The following C7 variants were observed in gnomAD, a reference collection of about 807,000 sequenced individuals.
C7 encodes complement component C7.
A neutral mutation model predicts 104.8 loss-of-function variants in C7; 83 were observed. The ratio of observed to expected loss-of-function variants is 0.79; its 90% confidence interval spans 0.66 to 0.95. The LOEUF (loss-of-function observed/expected upper bound fraction) is 0.95, where lower values mean the gene tolerates loss of function less well. C7 is among the 40% of genes least tolerant of loss of function. C7 has a pLI of 0.00. For synonymous variants in C7, 415 were observed against 360.6 expected (o/e 1.15, Z -1.71); for missense variants, 1,070 against 1,011.2 (o/e 1.06, Z -0.79).
At chr5:40,945,906 A>G (rs183502652) in intron 7 of C7, among the ~76,000 whole-genome samples, 2,519 of 137,566 alleles carry the variant, frequency 0.018, 84 homozygotes, top group East Asian at 0.1. Flanking sequence ...ATATATATAT[A>G]TATGTATATT....
At chr5:40,933,793 T>C (rs1249230968) in intron 3 of C7, among the ~76,000 whole-genome samples, 1 of 152,180 alleles carries the variant, frequency 6.6e-6, no homozygotes, top group Non-Finnish European at 1.5e-5. Flanking sequence ...CAGTACCTTA[T>C]CCTCTCTCCA....
At chr5:40,955,963 A>C (rs1561251706) in intron 10 of C7, among the ~76,000 whole-genome samples, 1 of 152,306 alleles carries the variant, frequency 6.6e-6, no homozygotes, top group East Asian at 1.9e-4. Flanking sequence ...GAAGTCATAC[A>C]AAGTAGGATA....
intron 6 of C7, among the ~76,000 whole-genome samples, chr5:40,944,507 T>A (rs1740005692): frequency 6.6e-6 from 1 of 152,306 alleles, no homozygotes; most frequent in Non-Finnish European, 1.5e-5. Context: ...TTTCCAACAT[T>A]GACATTACTT....
At chr5:40,978,160 A>G (rs5867530) in intron 16 of C7, among the ~76,000 whole-genome samples, 29,013 of 140,234 alleles carry the variant, frequency 0.21, 3,013 homozygotes, top group Middle Eastern at 0.37. Context: ...AAAAAAAAAA[A>G]GAACCAAAAC....
At chr5:40,965,646 ATAT>A (rs1425646294) in intron 14 of C7, among the ~76,000 whole-genome samples, 13 of 99,100 alleles carry the variant, frequency 1.3e-4, no homozygotes, top group African/African-American at 5.1e-4. Flanking sequence ...ATATATATAT[ATAT>A]TTTTTTTTTG....
intron 9 of C7, among the ~76,000 whole-genome samples, chr5:40,951,790 A>G (rs1740176626): frequency 6.6e-6 from 1 of 152,184 alleles, no homozygotes; most frequent in Non-Finnish European, 1.5e-5. Context: ...TTCTCAGTGA[A>G]GAAGCAGGGA....
chr5:40,959,367 T>G, intron 11 of C7, 82 bp from the exon 12 acceptor site: 1 of 1,242,784 alleles, frequency 8.0e-7, no homozygotes, highest in Non-Finnish European at 1.1e-6. Flanking sequence ...TTCCTCCAAT[T>G]AACTTGTTAG....
intron 15 of C7, among the ~76,000 whole-genome samples, chr5:40,975,875 G>A (rs1168998541): frequency 6.6e-6 from 1 of 152,122 alleles, no homozygotes; most frequent in African/African-American, 2.4e-5. Context: ...TATAGATATA[G>A]TAAATGACTA....
At chr5:40,947,875 G>T (rs1035310872) in intron 8 of C7, 30 bp downstream of exon 8, 1 of 1,596,682 alleles carries the variant, frequency 6.3e-7, no homozygotes, top group African/African-American at 1.3e-5. Flanking sequence ...GTTGTCTAAA[G>T]GCATTTCTGG....
intron 9 of C7, among the ~76,000 whole-genome samples, chr5:40,952,568 A>G (rs1219274770): frequency 1.3e-5 from 2 of 152,016 alleles, no homozygotes; most frequent in Non-Finnish European, 2.9e-5. Flanking sequence ...ATATGTATAC[A>G]TGTGCCATGT....
rs1478142042 is a variant in C7, at chr5:40,936,446, T to C, written c.389T>C (p.Ile130Thr). ...TCAGAAAGGAGACCTTCCTGTGATA[T>C]CGATAAACCTCCTCCTAACATAGAA... ...EDSERRPSCD[I>T]DKPPPNIELT... Residue 130 changes from isoleucine (I) to threonine (T), a missense_variant, in exon 5 of 18, where the codon ATC (isoleucine) becomes ACC (threonine). Ile to Thr is a moderately conservative substitution (Grantham distance 89). Coordinates refer to ENST00000313164, the MANE Select transcript of C7 (RefSeq NM_000587.4). The C allele has an allele frequency of 6.2e-7, 1 of 1,613,258 alleles. No homozygotes were observed. Among genetic ancestry groups the C allele is most frequent in the Non-Finnish European group, 8.5e-7 (1 of 1,179,478 alleles).
chr5:40,958,044 A>G lies in C7; in HGVS notation c.1272A>G (p.Leu424=), dbSNP rs1281349811. 5.0e-6 allele frequency: 8 copies of G among 1,611,736 alleles called. No homozygotes were observed. Among genetic ancestry groups the G allele is most frequent in the Non-Finnish European group, 5.9e-6 (7 of 1,178,352 alleles). The change falls in exon 11 of 18, where the codon TTA becomes TTG. Residue 424 remains leucine, a synonymous_variant. Transcript: ENST00000313164. ...CTTTATCTCTATAGCTGACACCTTT[A>G]TATGAGCTGGTAAAGGAAGTACCTT... The part of the protein sequence containing the change: ...PQVIKQKLTP[L]YELVKEVPCA...
intron 7 of C7, among the ~76,000 whole-genome samples, chr5:40,946,228 C>A (rs1389665811): frequency 2.0e-5 from 3 of 152,060 alleles, no homozygotes; most frequent in African/African-American, 7.2e-5. Flanking sequence ...TTAAATACTT[C>A]ATTGTTTTGA....
intron 15 of C7, among the ~76,000 whole-genome samples, chr5:40,975,873 T>C (rs553055564): frequency 1.5e-4 from 23 of 152,344 alleles, no homozygotes; most frequent in African/African-American, 5.5e-4. Context: ...TTTATAGATA[T>C]AGTAAATGAC....
At chr5:40,913,106 ATCC>A in intron 1 of C7, among the ~76,000 whole-genome samples, 1 of 152,340 alleles carries the variant, frequency 6.6e-6, no homozygotes, top group South Asian at 2.1e-4. Flanking sequence ...CTCTAGTTCC[ATCC>A]ATGCTGCTGC....
At chr5:40,934,283 C>A in intron 3 of C7, 42 bp from the exon 4 acceptor site, 1 of 1,470,274 alleles carries the variant, frequency 6.8e-7, no homozygotes, top group Non-Finnish European at 9.1e-7. Flanking sequence ...TCTTTGAAAA[C>A]AAACAAATAA....
chr5:40,923,423 A>G (rs1012380730), intron 1 of C7, among the ~76,000 whole-genome samples: 2 of 152,170 alleles, frequency 1.3e-5, no homozygotes, highest in African/African-American at 4.8e-5. Context: ...GCAAGAGCAG[A>G]CATGTCACAT....
intron 15 of C7, chr5:40,976,542 T>C (rs553105110): frequency 5.6e-5 from 21 of 373,976 alleles, no homozygotes; most frequent in Admixed American, 4.4e-5. Flanking sequence ...TAGCTATTAC[T>C]ACCAATGCAG....
chr5:40,978,140 GAA>G (rs869311131), intron 16 of C7, among the ~76,000 whole-genome samples: 2,101 of 107,632 alleles, frequency 0.02, 31 homozygotes, highest in African/African-American at 0.047. Flanking sequence ...ATCTCAAAAA[GAA>G]AAAAAAAAAA....
Sources: gnomAD v4.1 joint callset for allele counts (sites outside exome capture counted in the v4.1 genomes callset) on GRCh38, gnomAD v4.1.1 for gene constraint, MANE v1.5 for transcripts, NCBI Gene and HGNC (gene_info 2026-07-23, HGNC 2026-07-21) for gene names.